Variants in MRE11 observed in about 807,000 individuals in gnomAD.
MRE11 encodes the protein double-strand break repair protein MRE11.
Under a neutral mutation model 91.7 loss-of-function variants are expected in MRE11, and 62 were observed. The ratio of observed to expected loss-of-function variants is 0.68; its 90% confidence interval spans 0.55 to 0.84. MRE11 has a LOEUF of 0.84. MRE11 is among the 40% of genes least tolerant of loss of function. The pLI, the probability that MRE11 is intolerant of heterozygous loss-of-function variation, is 0.00. For synonymous variants in MRE11, 273 were observed against 271.4 expected, an observed-to-expected ratio of 1.01 and a Z score of -0.06; for missense variants, 796 against 852.9, an observed-to-expected ratio of 0.93 and a Z score of 0.83.
At chr11:94,502,803 A>T in the MRE11 span, among the ~76,000 whole-genome samples, 159 of 152,180 alleles carry the variant, frequency 1.0e-3, 1 homozygote, top group Non-Finnish European at 1.9e-3. Context: ...CCTCCCAAGT[A>T]GTTGGGATTA....
intron 14 of MRE11, among the ~76,000 whole-genome samples, chr11:94,453,778 A>C (rs1946175989): frequency 6.6e-6 from 1 of 152,128 alleles, no homozygotes. Flanking sequence ...TCACTTCTTC[A>C]CTATTGATAG....
intron 16 of MRE11, among the ~76,000 whole-genome samples, chr11:94,444,824 TATA>T (rs1415652481): frequency 2.1e-4 from 32 of 150,492 alleles, no homozygotes; most frequent in African/African-American, 6.6e-4. Flanking sequence ...ATATTACAAT[TATA>T]ATATTTAAAA....
At chr11:94,464,972 T>A (rs548282835) in intron 10 of MRE11, among the ~76,000 whole-genome samples, 11 of 152,192 alleles carry the variant, frequency 7.2e-5, no homozygotes, top group African/African-American at 2.6e-4. Flanking sequence ...TCATCATCAC[T>A]ATCTGCTAAG....
chr11:94,445,544 G>A (rs1308932302), intron 16 of MRE11, among the ~76,000 whole-genome samples: 5 of 152,102 alleles, frequency 3.3e-5, no homozygotes, highest in South Asian at 2.1e-4. Context: ...TCCTGACCTC[G>A]TGATCTGCCT....
At chr11:94,441,631 A>G (rs1289784115) in intron 16 of MRE11, among the ~76,000 whole-genome samples, 2 of 152,202 alleles carry the variant, frequency 1.3e-5, no homozygotes, top group East Asian at 1.9e-4. Flanking sequence ...AGGCCTAAAA[A>G]TATCTTCAGA....
At chr11:94,483,178 A>G (rs1947055088) in intron 4 of MRE11, among the ~76,000 whole-genome samples, 1 of 151,798 alleles carries the variant, frequency 6.6e-6, no homozygotes, top group South Asian at 2.1e-4. Context: ...AAACTAAATA[A>G]GAAATAAATA....
chr11:94,420,253 G>C, intron 19 of MRE11, 72 bp from the exon 20 acceptor site: 1 of 1,242,622 alleles, frequency 8.0e-7, no homozygotes, highest in Non-Finnish European at 1.2e-6. Context: ...AGTTCTTATG[G>C]GCAAAACAAT....
At chr11:94,445,623 T>G (rs1198296518) in intron 16 of MRE11, 187 bp downstream of exon 16, 3 of 565,556 alleles carry the variant, frequency 5.3e-6, no homozygotes, top group Non-Finnish European at 9.5e-6. Context: ...AACATGATTT[T>G]AAAAGCTTAC....
At position 94,429,954 on chromosome 11, in the gene MRE11, G is replaced by A; in HGVS notation, c.2027C>T (p.Ser676Phe). The A allele has an allele frequency of 6.2e-7, 1 of 1,613,974 alleles. No homozygotes were observed. Among genetic ancestry groups the A allele is most frequent in the Non-Finnish European group, 8.5e-7 (1 of 1,179,988 alleles). ...WSSTSSSKIM[S>F]QSQVSKGVDF... ...AACCCCTTTCGATACTTGACTCTGGGACATGATTTTGCTGGATGATGTGCT... is the reference window on the plus strand; with the variant it reads ...AACCCCTTTCGATACTTGACTCTGGAACATGATTTTGCTGGATGATGTGCT... The change falls in exon 19 of 20, where the codon TCC (serine) becomes TTC (phenylalanine). Residue 676 changes from serine (S) to phenylalanine (F), a missense_variant. Transcript: ENST00000323929.
At chr11:94,509,305 A>C in the MRE11 span, among the ~76,000 whole-genome samples, 1 of 152,104 alleles carries the variant, frequency 6.6e-6, no homozygotes, top group Non-Finnish European at 1.5e-5. Context: ...TGCTGTTATA[A>C]ATGTTATTGT....
At chr11:94,456,394 T>C in intron 13 of MRE11, 56 bp from the exon 14 acceptor site, 2 of 1,331,718 alleles carry the variant, frequency 1.5e-6, no homozygotes, top group African/African-American at 1.4e-5. Context: ...TATGTAAATA[T>C]AAAACAAGGG....
Position 94,479,666 on chromosome 11 carries a change from A to G in MRE11, c.402+8T>C, listed in dbSNP as rs778497885. On this transcript the variant is annotated splice_region_variant and intron_variant, in intron 5 of 19. Coordinates refer to ENST00000323929, the MANE Select transcript of MRE11 (RefSeq NM_005591.4). ...AATTCCAACAAACTCTAAGAAAACAATAATTACCCCTGTGGGATCGTCATG... is the reference window on the plus strand; with the variant it reads ...AATTCCAACAAACTCTAAGAAAACAGTAATTACCCCTGTGGGATCGTCATG... 3.1e-6 allele frequency: 5 copies of G among 1,608,890 alleles called. No homozygotes were observed. The African/African-American group carries it at 4.0e-5, about 13-fold the overall frequency.
At chr11:94,453,317 A>G (rs1205039375) in intron 14 of MRE11, among the ~76,000 whole-genome samples, 2 of 152,132 alleles carry the variant, frequency 1.3e-5, no homozygotes, top group East Asian at 3.9e-4. Flanking sequence ...CCTGCTTTCA[A>G]TTCTTTTGGT....
intron 9 of MRE11, among the ~76,000 whole-genome samples, chr11:94,468,200 A>C (rs944179793): frequency 1.3e-5 from 2 of 152,194 alleles, no homozygotes; most frequent in Non-Finnish European, 2.9e-5. Flanking sequence ...AAAACCAAGT[A>C]AGTCTAGTTT....
chr11:94,443,408 T>C (rs1268718170), intron 16 of MRE11, among the ~76,000 whole-genome samples: 1 of 152,208 alleles, frequency 6.6e-6, no homozygotes, highest in Non-Finnish European at 1.5e-5. Flanking sequence ...AGAAATAATA[T>C]AGTAAGTACC....
chr11:94,420,932 T>C (rs1945154390), intron 19 of MRE11, among the ~76,000 whole-genome samples: 1 of 151,832 alleles, frequency 6.6e-6, no homozygotes, highest in African/African-American at 2.4e-5. Context: ...CTCGGGAGGC[T>C]GAGGCAGGAG....
chr11:94,430,064 A>T, intron 18 of MRE11, 78 bp from the exon 19 acceptor site: 2 of 1,361,988 alleles, frequency 1.5e-6, no homozygotes, highest in Non-Finnish European at 2.1e-6. Flanking sequence ...TAAGTTTTTC[A>T]ATCCAGCAGC....
Position 94,420,201 on chromosome 11 carries a change from T to C in MRE11, c.2071-20A>G, listed in dbSNP as rs1480668168. The C allele has an allele frequency of 1.9e-6, 3 of 1,574,708 alleles. No homozygotes were observed. The highest frequency in any genetic ancestry group is 1.7e-6 in the Non-Finnish European group (2 of 1,154,558). On this transcript the variant is annotated intron_variant, in intron 19 of 19. Coordinates refer to ENST00000323929, the MANE Select transcript of MRE11 (RefSeq NM_005591.4). ...ATCATCCTGAAATGAGATACAAATG[T>C]TGTATTAGTGATTGTTCCCTGCTTC...
At chr11:94,422,038 A>G (rs1204234010) in intron 19 of MRE11, among the ~76,000 whole-genome samples, 3 of 152,212 alleles carry the variant, frequency 2.0e-5, no homozygotes, top group African/African-American at 4.8e-5. Context: ...GTTTTATGTT[A>G]TGCTTTTGCT....
Sources: gnomAD v4.1 joint callset for allele counts (sites outside exome capture counted in the v4.1 genomes callset) on GRCh38, gnomAD v4.1.1 for gene constraint, MANE v1.5 for transcripts, NCBI Gene and HGNC (gene_info 2026-07-23, HGNC 2026-07-21) for gene names.